The following SPECC1 variants were observed in gnomAD, a reference collection of about 807,000 sequenced individuals.
The protein encoded by SPECC1 is cytospin-B.
SPECC1 carries 62 observed loss-of-function variants against 104.1 expected under a neutral mutation model. The observed-to-expected ratio is 0.60, with a 90% CI of 0.49 to 0.74. The LOEUF is 0.74. SPECC1 is among the 30% of genes least tolerant of loss of function. SPECC1 has a pLI of 0.00. For synonymous variants in SPECC1, 513 were observed against 501.6 expected, an observed-to-expected ratio of 1.02 and a Z score of -0.30; for missense variants, 1,306 against 1,310.5, an observed-to-expected ratio of 1.00 and a Z score of 0.05.
At chr17:20,015,584 A>C (rs114513846) in intron 1 of SPECC1, among the ~76,000 whole-genome samples, 41 of 102,080 alleles carry the variant, frequency 4.0e-4, no homozygotes, top group African/African-American at 1.4e-3. Flanking sequence ...CCGGGTCTCT[A>C]TTTTTTTTTT....
At chr17:20,087,913 C>T (rs1358212847) in intron 1 of SPECC1, among the ~76,000 whole-genome samples, 2 of 152,140 alleles carry the variant, frequency 1.3e-5, no homozygotes, top group Non-Finnish European at 2.9e-5. Flanking sequence ...CTAGAGGAAG[C>T]ACCTTGGAGC....
chr17:20,015,727 G>A (rs959590018), intron 1 of SPECC1, among the ~76,000 whole-genome samples: 62 of 150,372 alleles, frequency 4.1e-4, no homozygotes, highest in African/African-American at 1.5e-3. Flanking sequence ...GAGGACTGCC[G>A]GTGCCCACCA....
At chr17:20,032,396 A>G (rs560173209) in intron 1 of SPECC1, among the ~76,000 whole-genome samples, 1 of 132,986 alleles carries the variant, frequency 7.5e-6, no homozygotes, top group African/African-American at 3.9e-5. Context: ...CTCAGTATGC[A>G]TATGTTAATG....
At chr17:20,026,026 A>G (rs1196226152) in intron 1 of SPECC1, among the ~76,000 whole-genome samples, 4 of 151,946 alleles carry the variant, frequency 2.6e-5, no homozygotes, top group Admixed American at 1.3e-4. Flanking sequence ...AGATAAGTGT[A>G]TATTCAAGGC....
At chr17:20,290,538 A>G (rs1366788187) in intron 12 of SPECC1, among the ~76,000 whole-genome samples, 2 of 151,926 alleles carry the variant, frequency 1.3e-5, no homozygotes, top group Admixed American at 1.3e-4. Flanking sequence ...TTTTTGAGAC[A>G]GGGTTTCACT....
chr17:20,108,010 CAA>C (rs2048317002), intron 2 of SPECC1, among the ~76,000 whole-genome samples: 1 of 152,170 alleles, frequency 6.6e-6, no homozygotes, highest in South Asian at 2.1e-4. Context: ...TCTAAAAAAA[CAA>C]AAAGACTTCT....
At chr17:20,102,403 C>T (rs2047984664) in intron 2 of SPECC1, among the ~76,000 whole-genome samples, 1 of 152,156 alleles carries the variant, frequency 6.6e-6, no homozygotes, top group Non-Finnish European at 1.5e-5. Context: ...TTTGCTGCTA[C>T]CCAAACTCCA....
intron 3 of SPECC1, among the ~76,000 whole-genome samples, chr17:20,136,824 C>T (rs1161187626): frequency 6.6e-6 from 1 of 152,192 alleles, no homozygotes; most frequent in Non-Finnish European, 1.5e-5. Context: ...TATGATTTCT[C>T]AGTGGTTACT....
chr17:20,072,518 C>T lies in SPECC1; in HGVS notation c.-21-24113C>T, dbSNP rs1173251722. Among the ~76,000 whole-genome samples, 4 of 152,240 alleles carry T rather than the reference C, an allele frequency of 2.6e-5. No individual in the cohort carries two copies. The East Asian group carries it at 7.7e-4, about 29-fold the overall frequency. ...AGGTTCAGTGCATTGTGCCTGTTGT[C>T]TCCTTCAAGGCAAAGCTGGATGGCC... On this transcript the variant is annotated intron_variant, in intron 1 of 14. Coordinates refer to ENST00000395527, the MANE Select transcript of SPECC1 (RefSeq NM_001243439.2).
chr17:20,081,236 G>C (rs1484548895), intron 1 of SPECC1, among the ~76,000 whole-genome samples: 2 of 152,190 alleles, frequency 1.3e-5, no homozygotes, highest in Admixed American at 6.5e-5. Context: ...CAGGTGGGGA[G>C]GGGTGGTGTT....
At chr17:20,214,004 C>A (rs1024052441) in intron 4 of SPECC1, among the ~76,000 whole-genome samples, 2 of 152,152 alleles carry the variant, frequency 1.3e-5, no homozygotes, top group Non-Finnish European at 2.9e-5. Context: ...ATTTTTATCA[C>A]CCCGTAAAAA....
At chr17:20,227,281 A>G in intron 4 of SPECC1, 132 bp from the exon 5 acceptor site, 3 of 750,564 alleles carry the variant, frequency 4.0e-6, no homozygotes, top group Non-Finnish European at 6.6e-6. Context: ...TTTATTTTAG[A>G]TTGAAGAGGT....
chr17:20,105,616 A>G (rs9901125), intron 2 of SPECC1, among the ~76,000 whole-genome samples: 60,846 of 152,076 alleles, frequency 0.4, 12,595 homozygotes, highest in Middle Eastern at 0.52. Flanking sequence ...AGCCCTGAGC[A>G]TGGTGCTGCA....
chr17:20,252,679 G>T (rs2039675537), intron 9 of SPECC1, among the ~76,000 whole-genome samples: 1 of 152,134 alleles, frequency 6.6e-6, no homozygotes, highest in Non-Finnish European at 1.5e-5. Flanking sequence ...CATTTATGTT[G>T]TAGCATGGGA....
intron 3 of SPECC1, among the ~76,000 whole-genome samples, chr17:20,134,837 T>G: frequency 6.6e-6 from 1 of 152,162 alleles, no homozygotes; most frequent in Non-Finnish European, 1.5e-5. Context: ...CCATACTCCC[T>G]TATGGAAGAG....
chr17:20,231,964 T>C, intron 6 of SPECC1, 133 bp downstream of exon 6: 1 of 1,013,804 alleles, frequency 9.9e-7, no homozygotes, highest in East Asian at 2.5e-5. Context: ...TGTAAATTCT[T>C]GTTGGCAGGA....
intron 3 of SPECC1, among the ~76,000 whole-genome samples, chr17:20,130,095 C>T (rs546513680): frequency 5.3e-5 from 8 of 152,196 alleles, no homozygotes; most frequent in African/African-American, 9.6e-5. Context: ...ATATTTTTCC[C>T]GAAAGTCTTA....
At chr17:20,275,654 A>T (rs2040552334) in intron 12 of SPECC1, among the ~76,000 whole-genome samples, 1 of 152,200 alleles carries the variant, frequency 6.6e-6, no homozygotes, top group South Asian at 2.1e-4. Context: ...TTTTCCTGGA[A>T]CTGATGCTCT....
At chr17:20,195,181 T>C (rs2035947369) in intron 3 of SPECC1, among the ~76,000 whole-genome samples, 1 of 152,138 alleles carries the variant, frequency 6.6e-6, no homozygotes, top group Admixed American at 6.5e-5. Flanking sequence ...CAAGAAAACA[T>C]GCATTGAAGA....
Sources: gnomAD v4.1 joint callset for allele counts (sites outside exome capture counted in the v4.1 genomes callset) on GRCh38, gnomAD v4.1.1 for gene constraint, MANE v1.5 for transcripts, NCBI Gene and HGNC (gene_info 2026-07-23, HGNC 2026-07-21) for gene names.